RNF4: variants seen among roughly 807,000 people sequenced by gnomAD.
RNF4 encodes ring finger protein 4.
A neutral mutation model predicts 24.3 loss-of-function variants in RNF4; 7 were observed. The ratio of observed to expected loss-of-function variants is 0.29; its 90% CI spans 0.16 to 0.54. RNF4 has a LOEUF of 0.54. Ranked by LOEUF, RNF4 falls within the 20% of genes least tolerant of loss-of-function variation. The pLI is 0.95. For synonymous variants in RNF4, 83 were observed against 84.3 expected (o/e 0.98, Z 0.09); for missense variants, 209 against 248.5 (o/e 0.84, Z 1.07).
intron 1 of RNF4, chr4:2,480,628 T>C (rs567770539): frequency 6.6e-6 from 1 of 152,302 alleles, no homozygotes; most frequent in East Asian, 1.9e-4. Flanking sequence ...AGTGCTGTGC[T>C]AGTGGGTGGG....
intron 1 of RNF4, chr4:2,469,662 C>G (rs926377690): frequency 6.6e-6 from 1 of 152,258 alleles, no homozygotes; most frequent in African/African-American, 2.4e-5. Flanking sequence ...TTTGTGTGTT[C>G]GCGCCGCCGC....
chr4:2,513,936 T>C lies in RNF4; in HGVS notation c.*117T>C, dbSNP rs536108615. 5.9e-5 allele frequency: 78 copies of C among 1,321,564 alleles called. No individual in the cohort carries two copies. Among genetic ancestry groups the C allele is most frequent in the Non-Finnish European group, 7.6e-5 (71 of 940,124 alleles). The allele number at this position is 1,321,564 out of a possible 1,614,324, so 81.9% of individuals were successfully genotyped here. A position where few individuals can be genotyped will look rare whatever the true frequency, so the allele number is the denominator to read the frequency against. ...ACTGTTTCGAAACCAACATCTGATATGTAAACTGCTCTTTTGTTTCCAACC... is the reference window on the plus strand; with the variant it reads ...ACTGTTTCGAAACCAACATCTGATACGTAAACTGCTCTTTTGTTTCCAACC... On this transcript the variant is annotated 3_prime_UTR_variant, in exon 8 of 8. Transcript: ENST00000314289.
intron 4 of RNF4, among the ~76,000 whole-genome samples, chr4:2,511,078 C>T (rs1029218034): frequency 2.0e-5 from 3 of 152,240 alleles, no homozygotes; most frequent in Admixed American, 6.5e-5. Context: ...ACATTGGTCG[C>T]GTCAGCTTGA....
intron 4 of RNF4, among the ~76,000 whole-genome samples, 179 bp from the exon 5 acceptor site, chr4:2,511,777 T>C (rs1443927389): frequency 1.3e-5 from 2 of 152,164 alleles, no homozygotes; most frequent in Admixed American, 6.5e-5. Context: ...GGAAGTGGGC[T>C]TGACTGACTG....
intron 1 of RNF4, among the ~76,000 whole-genome samples, chr4:2,485,421 G>A (rs567761657): frequency 2.6e-5 from 4 of 152,082 alleles, no homozygotes; most frequent in African/African-American, 9.7e-5. Context: ...AAATCTCTAC[G>A]TCCATCCGAG....
intron 7 of RNF4, 75 bp from the exon 8 acceptor site, chr4:2,513,595 G>A: frequency 6.4e-7 from 1 of 1,566,270 alleles, no homozygotes; most frequent in South Asian, 1.1e-5. Flanking sequence ...GGCATAGGTG[G>A]GTGGGATTCT....
At chr4:2,481,698 C>T (rs925748335) in intron 1 of RNF4, among the ~76,000 whole-genome samples, 7 of 151,924 alleles carry the variant, frequency 4.6e-5, no homozygotes, top group African/African-American at 1.7e-4. Flanking sequence ...ATTTTTTTGA[C>T]TTGCATGTGT....
intron 1 of RNF4, among the ~76,000 whole-genome samples, chr4:2,475,241 C>G (rs774244361): frequency 2.0e-5 from 3 of 152,252 alleles, no homozygotes; most frequent in Non-Finnish European, 4.4e-5. Flanking sequence ...TCGTAACTCA[C>G]TGCAGCTTCC....
At chr4:2,490,588 C>T in intron 2 of RNF4, 86 bp downstream of exon 2, 1 of 1,402,234 alleles carries the variant, frequency 7.1e-7, no homozygotes. Context: ...AAAGTGAGTT[C>T]CATAATGTCA....
chr4:2,481,222 C>G (rs1479853758), intron 1 of RNF4: 1 of 152,210 alleles, frequency 6.6e-6, no homozygotes, highest in African/African-American at 2.4e-5. Context: ...TAAAGTATCA[C>G]AGTTACTTGT....
chr4:2,499,246 C>T (rs980545013), intron 3 of RNF4: 6 of 444,770 alleles, frequency 1.3e-5, no homozygotes, highest in African/African-American at 6.1e-5. Context: ...AAATATTAGA[C>T]CAATACTGTT....
At chr4:2,509,510 G>T (rs892639374) in intron 4 of RNF4, among the ~76,000 whole-genome samples, 3 of 152,058 alleles carry the variant, frequency 2.0e-5, no homozygotes, top group Non-Finnish European at 4.4e-5. Context: ...GAGCCACCGC[G>T]CCCAGCCTGT....
chr4:2,478,840 C>T (rs1458335157), intron 1 of RNF4, among the ~76,000 whole-genome samples: 1 of 152,222 alleles, frequency 6.6e-6, no homozygotes, highest in Non-Finnish European at 1.5e-5. Context: ...TGGAGCACCA[C>T]CTGGTAGAGC....
At chr4:2,496,840 C>T (rs926829034) in intron 2 of RNF4, among the ~76,000 whole-genome samples, 167 bp from the exon 3 acceptor site, 1 of 152,130 alleles carries the variant, frequency 6.6e-6, no homozygotes. Context: ...TTTCTCTCTC[C>T]GTAAGCATTC....
chr4:2,485,553 C>G (rs1173739304), intron 1 of RNF4, among the ~76,000 whole-genome samples: 1 of 152,162 alleles, frequency 6.6e-6, no homozygotes, highest in Non-Finnish European at 1.5e-5. Context: ...GGTTTTATGG[C>G]CTCATTCTTG....
chr4:2,510,964 G>A (rs1461828506), intron 4 of RNF4, among the ~76,000 whole-genome samples: 1 of 152,230 alleles, frequency 6.6e-6, no homozygotes. Flanking sequence ...TGTGTCACAC[G>A]CATTGGTCAT....
At chr4:2,475,265 A>G (rs1184250448) in intron 1 of RNF4, among the ~76,000 whole-genome samples, 1 of 152,222 alleles carries the variant, frequency 6.6e-6, no homozygotes, top group Non-Finnish European at 1.5e-5. Flanking sequence ...TTCTGGGTTC[A>G]AGAGATCCTC....
chr4:2,506,166 CA>C (rs1451035333), intron 4 of RNF4: 1 of 144,252 alleles, frequency 6.9e-6, no homozygotes, highest in Admixed American at 7.6e-5. Flanking sequence ...TGAACTAGAA[CA>C]AAGCAAACCA....
intron 1 of RNF4, among the ~76,000 whole-genome samples, chr4:2,470,318 C>A (rs1184781489): frequency 6.6e-6 from 1 of 152,232 alleles, no homozygotes; most frequent in East Asian, 1.9e-4. Context: ...GTTTTGGGAC[C>A]ACTGTCAATA....
Sources: gnomAD v4.1 joint callset for allele counts (sites outside exome capture counted in the v4.1 genomes callset) on GRCh38, gnomAD v4.1.1 for gene constraint, MANE v1.5 for transcripts, NCBI Gene and HGNC (gene_info 2026-07-23, HGNC 2026-07-21) for gene names.